Variants in RBFOX3 observed in about 807,000 individuals in gnomAD.
RBFOX3 encodes the protein RNA binding protein fox-1 homolog 3.
In RBFOX3, 17 loss-of-function variants were observed where a neutral mutation model predicts 48.7. The observed-to-expected ratio is 0.35, with a 90% CI of 0.24 to 0.52. The LOEUF is 0.52. Among genes scored for constraint, RBFOX3 ranks in the 20% least tolerant of loss-of-function variants. The probability of loss-of-function intolerance (pLI) is 0.94; values close to 1 mark genes in which losing one functional copy is unlikely to be tolerated. For missense variants in RBFOX3, 382 were observed against 497.5 expected (o/e 0.77, Z 2.21); for synonymous variants, 212 against 209.5 (o/e 1.01, Z -0.10).
At chr17:79,433,977 A>G (rs1555729741) in intron 2 of RBFOX3, among the ~76,000 whole-genome samples, 1 of 152,228 alleles carries the variant, frequency 6.6e-6, no homozygotes, top group Non-Finnish European at 1.5e-5. Context: ...TAACAGCACT[A>G]GAGGAAGCAC....
chr17:79,531,754 T>C (rs1486601569), intron 1 of RBFOX3, among the ~76,000 whole-genome samples: 1 of 152,222 alleles, frequency 6.6e-6, no homozygotes, highest in Non-Finnish European at 1.5e-5. Context: ...CCCGGGAATC[T>C]AGAAACGAAA....
At chr17:79,590,834 C>T (rs1445158059) in intron 1 of RBFOX3, among the ~76,000 whole-genome samples, 6 of 152,202 alleles carry the variant, frequency 3.9e-5, no homozygotes, top group African/African-American at 1.4e-4. Context: ...GAGTTCTCAT[C>T]ACCACAAGGC....
intron 1 of RBFOX3, among the ~76,000 whole-genome samples, chr17:79,582,887 C>T (rs1235047161): frequency 6.6e-6 from 1 of 150,832 alleles, no homozygotes; most frequent in Non-Finnish European, 1.5e-5. Context: ...TGTTTAGATG[C>T]TCGTTCCTGA....
chr17:79,490,067 C>T (rs977920487), intron 1 of RBFOX3, among the ~76,000 whole-genome samples: 1 of 152,252 alleles, frequency 6.6e-6, no homozygotes, highest in African/African-American at 2.4e-5. Flanking sequence ...TTTTAAACCA[C>T]TCTTGTGAAA....
At chr17:79,546,774 A>G (rs557078282) in intron 1 of RBFOX3, among the ~76,000 whole-genome samples, 2 of 149,462 alleles carry the variant, frequency 1.3e-5, no homozygotes, top group African/African-American at 5.0e-5. Context: ...GGTTGAAGTG[A>G]TTCTCCTGCC....
At chr17:79,398,060 C>G (rs968041895) in intron 2 of RBFOX3, among the ~76,000 whole-genome samples, 3 of 152,138 alleles carry the variant, frequency 2.0e-5, no homozygotes, top group African/African-American at 7.2e-5. Flanking sequence ...ACTCGGAGCC[C>G]GAACGAGGCT....
intron 2 of RBFOX3, among the ~76,000 whole-genome samples, chr17:79,372,905 T>C (rs2058747026): frequency 6.6e-6 from 1 of 152,088 alleles, no homozygotes; most frequent in Admixed American, 6.5e-5. Context: ...AATGAGTCTA[T>C]AACGCAGAGC....
In RBFOX3 at chr17:79,540,730, G is replaced by C. The variant is rs576037934; in HGVS notation, c.-319-58132C>G. On this transcript the variant is annotated intron_variant, in intron 1 of 14. Coordinates refer to ENST00000693108, the MANE Select transcript of RBFOX3 (RefSeq NM_001350451.2). ...GCCTCCGCCAGGTTGTGGGTTGCTCGACCTCCTGGAGCTTCAGTGCCCCCA... is the reference window on the plus strand; with the variant it reads ...GCCTCCGCCAGGTTGTGGGTTGCTCCACCTCCTGGAGCTTCAGTGCCCCCA... 2.6e-5 allele frequency among the ~76,000 whole-genome samples: 4 copies of C among 152,342 alleles called. No homozygotes were observed. In the South Asian group the frequency reaches 6.2e-4, roughly 24 times the overall value.
chr17:79,620,441 ACATGCACACATGCG>A, the RBFOX3 span, among the ~76,000 whole-genome samples: 1 of 139,096 alleles, frequency 7.2e-6, no homozygotes, highest in African/African-American at 2.6e-5. Flanking sequence ...GCACACATGC[ACATGCACACATGCG>A]CACACACATG....
intron 1 of RBFOX3, among the ~76,000 whole-genome samples, chr17:79,548,346 C>T (rs2090743405): frequency 6.6e-6 from 1 of 152,192 alleles, no homozygotes; most frequent in South Asian, 2.1e-4. Context: ...GCTCCTGGAA[C>T]AGAAGGGCTG....
intron 2 of RBFOX3, among the ~76,000 whole-genome samples, chr17:79,440,812 A>C (rs2070744630): frequency 6.8e-6 from 1 of 146,130 alleles, no homozygotes; most frequent in Non-Finnish European, 1.5e-5. Flanking sequence ...ATCAGCATCC[A>C]CACCCCTGCT....
chr17:79,542,088 A>G (rs2089799019), intron 1 of RBFOX3, among the ~76,000 whole-genome samples: 1 of 149,752 alleles, frequency 6.7e-6, no homozygotes, highest in South Asian at 2.1e-4. Flanking sequence ...CGAGACCTCT[A>G]TGTGAGAGGC....
rs1232437034 is a variant in RBFOX3 at position 79,423,071 on chromosome 17, G to A, written c.-175+59383C>T. Among the ~76,000 whole-genome samples, 5 of 152,132 alleles carry A rather than the reference G, an allele frequency of 3.3e-5. No homozygotes were observed. The highest frequency in any genetic ancestry group is 1.9e-4 in the East Asian group (1 of 5,190). The stretch of plus-strand genomic sequence containing the variant: ...GGACTTCGGGTGCCCCGTGTGCCAC[G>A]AACTCCCCTCTTTCTGCCTCCAGCC... On this transcript the variant is annotated intron_variant, in intron 2 of 14. Coordinates refer to ENST00000693108, the MANE Select transcript of RBFOX3 (RefSeq NM_001350451.2). This position sits in a 1 kb window ranked among gnomAD's most constrained non-coding sequence, Gnocchi z 4.9.
chr17:79,489,575 G>A (rs1255021869), intron 1 of RBFOX3, among the ~76,000 whole-genome samples: 1 of 152,220 alleles, frequency 6.6e-6, no homozygotes, highest in Admixed American at 6.5e-5. Flanking sequence ...GATTACAGGT[G>A]TGAGGCACTG....
At chr17:79,336,157 TGA>T (rs1180667466) in intron 2 of RBFOX3, among the ~76,000 whole-genome samples, 1 of 151,836 alleles carries the variant, frequency 6.6e-6, no homozygotes, top group African/African-American at 2.4e-5. Context: ...GAGGCCAAGG[TGA>T]GTGGATCACC....
In RBFOX3 at chr17:79,397,199, T is replaced by C. The variant is rs191836154; in HGVS notation, c.-175+85255A>G. Reference sequence around the variant, plus strand: ...TAAGTGACTATCCTTTTAAGAAGCGTGGGCTGGGCGCAGTGGCTCACGCCT... The same window carrying C: ...TAAGTGACTATCCTTTTAAGAAGCGCGGGCTGGGCGCAGTGGCTCACGCCT... On this transcript the variant is annotated intron_variant, in intron 2 of 14. Coordinates refer to ENST00000693108, the MANE Select transcript of RBFOX3 (RefSeq NM_001350451.2). Among the ~76,000 whole-genome samples, 60 of 152,252 alleles carry C rather than the reference T, an allele frequency of 3.9e-4. 1 individual carries two copies. The East Asian group carries it at 0.011, about 28-fold the overall frequency.
chr17:79,149,252 C>T (rs181086134), intron 4 of RBFOX3, among the ~76,000 whole-genome samples: 38 of 152,330 alleles, frequency 2.5e-4, no homozygotes, highest in Admixed American at 5.9e-4. Flanking sequence ...GGGCATCCAT[C>T]TGGGGCTTAG....
chr17:79,450,228 T>C (rs1209379763), intron 2 of RBFOX3, among the ~76,000 whole-genome samples: 3 of 152,328 alleles, frequency 2.0e-5, no homozygotes, highest in East Asian at 1.9e-4. Flanking sequence ...CGCCCTCCTG[T>C]AGGCGAGAGT....
Position 79,453,226 on chromosome 17 carries a change from G to A in RBFOX3, c.-175+29228C>T, listed in dbSNP as rs112209361. 5.9e-3 allele frequency among the ~76,000 whole-genome samples: 901 copies of A among 152,360 alleles called. 10 individuals carry two copies. Among genetic ancestry groups the A allele is most frequent in the African/African-American group, 0.018 (735 of 41,582 alleles). On this transcript the variant is annotated intron_variant, in intron 2 of 14. Coordinates refer to ENST00000693108, the MANE Select transcript of RBFOX3 (RefSeq NM_001350451.2). Reference sequence around the variant, plus strand: ...CGTGTTGGCTCTGCCCAGACCCAGCGGCCATGCTGGCCACACCCTAAGTCC... The same window carrying A: ...CGTGTTGGCTCTGCCCAGACCCAGCAGCCATGCTGGCCACACCCTAAGTCC...
Sources: allele counts gnomAD v4.1 joint callset (sites outside exome capture counted in the v4.1 genomes callset), GRCh38; gene constraint gnomAD v4.1.1; non-coding constraint Gnocchi (gnomAD v3.1); transcripts MANE v1.5; gene names NCBI Gene and HGNC (gene_info 2026-07-23, HGNC 2026-07-21).